SGPL1: variants seen among roughly 807,000 people sequenced by gnomAD.
SGPL1 encodes the protein sphingosine-1-phosphate lyase 1, also known as SP-lyase 1.
A neutral mutation model predicts 68.9 loss-of-function variants in SGPL1; 37 were observed. The ratio of observed to expected loss-of-function variants is 0.54; its 90% CI spans 0.41 to 0.71. The LOEUF (loss-of-function observed/expected upper bound fraction) is 0.71. Among genes scored for constraint, SGPL1 ranks in the 30% least tolerant of loss-of-function variants. The pLI, the probability that SGPL1 is intolerant of heterozygous loss-of-function variation, is 0.00. For missense variants in SGPL1, 551 were observed against 704.6 expected, an observed-to-expected ratio of 0.78 and a Z score of 2.47; for synonymous variants, 236 against 248.5, an observed-to-expected ratio of 0.95 and a Z score of 0.47.
At chr10:70,861,450 G>A (rs773839547) in intron 7 of SGPL1, among the ~76,000 whole-genome samples, 2 of 152,170 alleles carry the variant, frequency 1.3e-5, no homozygotes, top group African/African-American at 2.4e-5. Flanking sequence ...CTGGAGCCTG[G>A]TGATAAGTAG....
intron 2 of SGPL1, among the ~76,000 whole-genome samples, chr10:70,830,241 A>G (rs1845510110): frequency 6.6e-6 from 1 of 152,198 alleles, no homozygotes; most frequent in South Asian, 2.1e-4. Context: ...TGTTTTGTAT[A>G]TTCACAGTTG....
chr10:70,816,284 C>G (rs1277188749), intron 1 of SGPL1, among the ~76,000 whole-genome samples, 158 bp downstream of exon 1: 1 of 149,604 alleles, frequency 6.7e-6, no homozygotes, highest in Admixed American at 6.6e-5. Context: ...GGCGTGGGCA[C>G]CAGCCGCTGA....
chr10:70,862,778 C>T (rs757975159), intron 7 of SGPL1, among the ~76,000 whole-genome samples: 8 of 152,056 alleles, frequency 5.3e-5, no homozygotes, highest in African/African-American at 1.4e-4. Flanking sequence ...GAAGAAATTC[C>T]GGACACATCC....
chr10:70,852,198 T>G (rs1304207908), intron 4 of SGPL1, among the ~76,000 whole-genome samples: 4 of 152,200 alleles, frequency 2.6e-5, no homozygotes, highest in Non-Finnish European at 5.9e-5. Flanking sequence ...TTCCCTTTCC[T>G]GGCTATACCA....
chr10:70,831,345 G>A (rs1054969721), intron 2 of SGPL1, among the ~76,000 whole-genome samples: 1 of 152,040 alleles, frequency 6.6e-6, no homozygotes, highest in Admixed American at 6.6e-5. Context: ...TGTCTACCTG[G>A]AGATAGCATC....
chr10:70,876,007 G>T (rs1383209324), intron 13 of SGPL1, among the ~76,000 whole-genome samples: 1 of 152,146 alleles, frequency 6.6e-6, no homozygotes, highest in African/African-American at 2.4e-5. Context: ...CTGAGTACAG[G>T]TCTGTTCATG....
In SGPL1 at chr10:70,822,128, C is replaced by T. The variant is rs188207218; in HGVS notation, c.27+5248C>T. 1.8e-3 allele frequency among the ~76,000 whole-genome samples: 281 copies of T among 152,206 alleles called. 1 individual carries two copies. Among genetic ancestry groups the T allele is most frequent in the African/African-American group, 5.4e-3 (226 of 41,518 alleles). ...TTAAGCAATAAACTGAAAGATTGACCTTAGGAGCTCTGTTCTATTATTTGA... is the reference window on the plus strand; with the variant it reads ...TTAAGCAATAAACTGAAAGATTGACTTTAGGAGCTCTGTTCTATTATTTGA... On this transcript the variant is annotated intron_variant, in intron 2 of 14. Transcript: ENST00000373202.
intron 7 of SGPL1, among the ~76,000 whole-genome samples, chr10:70,865,286 A>T (rs1232289898): frequency 4.2e-5 from 6 of 142,164 alleles, no homozygotes; most frequent in Admixed American, 1.4e-4. Context: ...GGTTGTTGTT[A>T]TTGTAGATTT....
At chr10:70,824,323 T>C (rs563010886) in intron 2 of SGPL1, among the ~76,000 whole-genome samples, 1 of 152,302 alleles carries the variant, frequency 6.6e-6, no homozygotes, top group South Asian at 2.1e-4. Context: ...ACAAAAACAG[T>C]AAAGAGACTA....
intron 12 of SGPL1, among the ~76,000 whole-genome samples, chr10:70,875,018 C>T (rs866345996): frequency 4.6e-5 from 7 of 152,216 alleles, no homozygotes; most frequent in African/African-American, 1.7e-4. Flanking sequence ...TTAGGGATTA[C>T]ATATGACTTT....
At position 70,877,261 on chromosome 10, in the gene SGPL1, T is replaced by C. The variant is rs187774693; in HGVS notation, c.1633T>C (p.Phe545Leu). 77 of 1,614,070 alleles carry C rather than the reference T, an allele frequency of 4.8e-5. No individual in the cohort carries two copies. Among genetic ancestry groups the C allele is most frequent in the Non-Finnish European group, 6.4e-5 (75 of 1,179,886 alleles). ...RNMVAELSSV[F>L]LDSLYSTDTV... ...TATGGTTGCAGAATTGTCCTCAGTC[T>C]TCTTGGACAGCTTGTACAGCACCGA... Residue 545 changes from phenylalanine to leucine, a missense_variant, in exon 15 of 15, where the codon TTC (phenylalanine) becomes CTC (leucine). Transcript: ENST00000373202.
chr10:70,818,947 A>G (rs116061458), intron 2 of SGPL1, among the ~76,000 whole-genome samples: 2,412 of 152,318 alleles, frequency 0.016, 42 homozygotes, highest in African/African-American at 0.054. Context: ...GCAGTAATTT[A>G]TCACCCAGAA....
At chr10:70,857,731 C>A in intron 6 of SGPL1, 41 bp downstream of exon 6, 1 of 1,366,834 alleles carries the variant, frequency 7.3e-7, no homozygotes, top group Non-Finnish European at 1.0e-6. Flanking sequence ...GAGGTCTGTG[C>A]CAGTTTACAT....
chr10:70,850,785 T>C (rs1845866151), intron 3 of SGPL1, among the ~76,000 whole-genome samples: 1 of 151,096 alleles, frequency 6.6e-6, no homozygotes, highest in South Asian at 2.1e-4. Context: ...AGTGCTAGAG[T>C]GTGCTACTTT....
At chr10:70,862,280 C>T (rs991694275) in intron 7 of SGPL1, among the ~76,000 whole-genome samples, 1 of 152,226 alleles carries the variant, frequency 6.6e-6, no homozygotes, top group Non-Finnish European at 1.5e-5. Context: ...CACTCTGTAT[C>T]TCGCTGCTCT....
intron 12 of SGPL1, 27 bp downstream of exon 12, chr10:70,873,616 C>A: frequency 6.5e-7 from 1 of 1,549,312 alleles, no homozygotes; most frequent in Non-Finnish European, 8.9e-7. Context: ...GGGGTTCTGC[C>A]TTGTCTATTG....
intron 2 of SGPL1, among the ~76,000 whole-genome samples, chr10:70,842,521 C>A (rs1327879354): frequency 6.6e-6 from 1 of 152,150 alleles, no homozygotes; most frequent in African/African-American, 2.4e-5. Context: ...TCAACATCTG[C>A]TTCCGGTGAG....
intron 3 of SGPL1, among the ~76,000 whole-genome samples, chr10:70,850,123 C>T (rs578185933): frequency 6.6e-6 from 1 of 152,204 alleles, no homozygotes; most frequent in South Asian, 2.1e-4. Context: ...ATTTGTATTC[C>T]CTATTTGTTC....
At chr10:70,823,351 G>GTGA (rs3831313) in intron 2 of SGPL1, among the ~76,000 whole-genome samples, 18,082 of 151,782 alleles carry the variant, frequency 0.12, 1,322 homozygotes, top group Non-Finnish European at 0.17. Flanking sequence ...TGCCATCATA[G>GTGA]TGAACAACCT....
Sources: gnomAD v4.1 joint callset for allele counts (sites outside exome capture counted in the v4.1 genomes callset) on GRCh38, gnomAD v4.1.1 for gene constraint, MANE v1.5 for transcripts, NCBI Gene and HGNC (gene_info 2026-07-23, HGNC 2026-07-21) for gene names.